Variants in DSCAML1 observed in about 807,000 individuals in gnomAD.
DSCAML1 encodes DS cell adhesion molecule like 1.
Under a neutral mutation model 200.5 loss-of-function variants are expected in DSCAML1, and 38 were observed. The observed-to-expected ratio is 0.19, with a 90% CI of 0.15 to 0.25. The LOEUF (loss-of-function observed/expected upper bound fraction) is 0.25, where lower values mean the gene tolerates loss of function less well. DSCAML1 is among the 10% of genes least tolerant of loss of function. The pLI is 1.00. For synonymous variants in DSCAML1, 1,215 were observed against 1,165.0 expected, an observed-to-expected ratio of 1.04 and a Z score of -0.87; for missense variants, 2,223 against 2,858.8, an observed-to-expected ratio of 0.78 and a Z score of 5.07.
intron 3 of DSCAML1, among the ~76,000 whole-genome samples, chr11:117,679,069 G>C (rs1591392087): frequency 1.3e-5 from 2 of 152,348 alleles, no homozygotes; most frequent in Non-Finnish European, 2.9e-5. Flanking sequence ...TGAATGGAAG[G>C]CCACTTCAGG....
chr11:117,578,845 C>T (rs1338619548), intron 3 of DSCAML1, among the ~76,000 whole-genome samples: 1 of 152,158 alleles, frequency 6.6e-6, no homozygotes, highest in Non-Finnish European at 1.5e-5. Flanking sequence ...TCTTTACCTC[C>T]ACCTGAATGT....
intron 1 of DSCAML1, among the ~76,000 whole-genome samples, chr11:117,786,943 G>A (rs374445138): frequency 4.8e-4 from 73 of 152,280 alleles, no homozygotes; most frequent in African/African-American, 1.7e-3. Flanking sequence ...CAGGGGGCAG[G>A]GGACAGGAGG....
Position 117,458,818 on chromosome 11 carries a change from C to T in DSCAML1, c.3504G>A (p.Leu1168=). ...CGCCGTCCCCAGCCTGGGTGTAGGC[C>T]AGCACCTGGACGCTGTAGTTGGTGA... ...EKFTNYSVQV[L]AYTQAGDGVR... The change falls in exon 19 of 33, where the codon CTG becomes CTA. Residue 1168 remains leucine (L), a synonymous_variant. Coordinates refer to ENST00000651296, the MANE Select transcript of DSCAML1 (RefSeq NM_020693.4). The T allele has an allele frequency of 6.2e-7, 1 of 1,614,058 alleles. No homozygotes were observed. The highest frequency in any genetic ancestry group is 8.5e-7 in the Non-Finnish European group (1 of 1,180,006).
Position 117,480,476 on chromosome 11 carries a change from T to C in DSCAML1, c.2752A>G (p.Thr918Ala), listed in dbSNP as rs2048890636. 2 of 1,613,498 alleles carry C rather than the reference T, an allele frequency of 1.2e-6. No homozygotes were observed. Among genetic ancestry groups the C allele is most frequent in the Non-Finnish European group, 1.7e-6 (2 of 1,179,820 alleles). The change falls in exon 14 of 33, where the codon ACG (threonine) becomes GCG (alanine). Residue 918 changes from threonine to alanine, a missense_variant. By Grantham distance (58) the Thr-to-Ala change is moderately conservative (BLOSUM62 0). Transcript: ENST00000651296. This position sits in a 1 kb window ranked among gnomAD's most constrained non-coding sequence, Gnocchi z 4.1. The stretch of plus-strand genomic sequence containing the variant: ...TTCTTGTATTCAATGTCGAAGCCCG[T>C]GATGATGCTGTTCCCGTCGAATCGC... ...TQRFDGNSII[T>A]GFDIEYKNKS...
At chr11:117,693,372 C>T (rs1190153216) in intron 3 of DSCAML1, among the ~76,000 whole-genome samples, 3 of 152,168 alleles carry the variant, frequency 2.0e-5, no homozygotes, top group Admixed American at 6.5e-5. Flanking sequence ...TTCTGGAGTC[C>T]CACGTATCAG....
At chr11:117,545,319 G>A (rs1052360102) in intron 3 of DSCAML1, among the ~76,000 whole-genome samples, 2 of 152,010 alleles carry the variant, frequency 1.3e-5, no homozygotes, top group Non-Finnish European at 2.9e-5. Context: ...GCGAGAAGGT[G>A]GCCATCTGCA....
chr11:117,731,824 T>C (rs2054225471), intron 3 of DSCAML1, among the ~76,000 whole-genome samples: 1 of 152,258 alleles, frequency 6.6e-6, no homozygotes, highest in Non-Finnish European at 1.5e-5. Context: ...TAAATGTGGA[T>C]GAAATGGCAC....
intron 3 of DSCAML1, among the ~76,000 whole-genome samples, chr11:117,599,449 A>G (rs935988910): frequency 6.6e-6 from 1 of 152,180 alleles, no homozygotes; most frequent in African/African-American, 2.4e-5. Context: ...AATGTTGGAC[A>G]CTTTTCTTTT....
intron 3 of DSCAML1, among the ~76,000 whole-genome samples, chr11:117,618,353 T>C (rs1407768578): frequency 5.9e-5 from 9 of 152,236 alleles, no homozygotes; most frequent in Non-Finnish European, 1.3e-4. Context: ...TTCCATATAA[T>C]AGAGCTTAAA....
upstream of DSCAML1, among the ~76,000 whole-genome samples, chr11:117,800,439 C>T (rs546989585): frequency 4.6e-4 from 70 of 152,356 alleles, no homozygotes; most frequent in African/African-American, 1.1e-3. Context: ...TGAGAACAAA[C>T]ACAGTTGCCC....
chr11:117,742,103 T>C (rs2054432856), intron 3 of DSCAML1, among the ~76,000 whole-genome samples: 1 of 152,134 alleles, frequency 6.6e-6, no homozygotes, highest in South Asian at 2.1e-4. Context: ...AGATGGCACA[T>C]CATCTCATAG....
intron 1 of DSCAML1, among the ~76,000 whole-genome samples, chr11:117,792,454 C>T (rs1056045528): frequency 4.6e-5 from 7 of 152,130 alleles, no homozygotes; most frequent in African/African-American, 1.7e-4. Flanking sequence ...ACGCCCTTCC[C>T]TCAGTGACTG....
rs576101135 is a variant in DSCAML1 at position 117,780,165 on chromosome 11, A to G, written c.364+328T>C. 2.9e-5 allele frequency among the ~76,000 whole-genome samples: 4 copies of G among 138,058 alleles called. No individual in the cohort carries two copies. The East Asian group carries it at 8.3e-4, about 29-fold the overall frequency. The allele number at this position is 138,058 out of a possible 152,430, so 90.6% of individuals were successfully genotyped here. ...AAAGAGAGAGAGAGAGAGAGAAAGA[A>G]AGAAAGAAAAAAAGAAAAAAAGAAA... On this transcript the variant is annotated intron_variant, in intron 2 of 32. Coordinates refer to ENST00000651296, the MANE Select transcript of DSCAML1 (RefSeq NM_020693.4). The surrounding 1 kb of genome is among the most constrained non-coding windows in gnomAD (Gnocchi z 4.8).
intron 14 of DSCAML1, among the ~76,000 whole-genome samples, chr11:117,472,545 A>G (rs187616652): frequency 1.3e-5 from 2 of 152,240 alleles, no homozygotes; most frequent in Admixed American, 1.3e-4. Context: ...TGAGTGTTAT[A>G]TGTCAGGGTT....
chr11:117,428,194 A>G lies in DSCAML1; in HGVS notation c.*134T>C, dbSNP rs1375184132. The G allele has an allele frequency of 7.8e-6, 5 of 637,478 alleles. No homozygotes were observed. Among genetic ancestry groups the G allele is most frequent in the Non-Finnish European group, 1.4e-5 (5 of 354,900 alleles). 39.5% of individuals were successfully genotyped at this position (637,478 alleles called of 1,614,324 possible). ...AGAGTTCTATGTACAGGCGTTCATG[A>G]TTGGGGGTTTTTGTTTTGTCGTTGG... On this transcript the variant is annotated 3_prime_UTR_variant, in exon 33 of 33. Transcript: ENST00000651296.
chr11:117,623,795 C>G (rs908867543), intron 3 of DSCAML1, among the ~76,000 whole-genome samples: 1 of 152,156 alleles, frequency 6.6e-6, no homozygotes, highest in South Asian at 2.1e-4. Context: ...CCTCATCTCC[C>G]AATAGACGAG....
intron 1 of DSCAML1, among the ~76,000 whole-genome samples, chr11:117,805,100 T>G (rs2055698550): frequency 6.6e-6 from 1 of 152,232 alleles, no homozygotes; most frequent in Non-Finnish European, 1.5e-5. Flanking sequence ...TGGACCACTA[T>G]CCCACGAACT....
chr11:117,607,871 G>A (rs1039858114), intron 3 of DSCAML1, among the ~76,000 whole-genome samples: 2 of 152,188 alleles, frequency 1.3e-5, no homozygotes, highest in African/African-American at 4.8e-5. Context: ...TGTCAATAGG[G>A]AAAAAGAGTC....
intron 3 of DSCAML1, among the ~76,000 whole-genome samples, chr11:117,549,347 C>T (rs187677630): frequency 5.9e-5 from 9 of 152,356 alleles, no homozygotes; most frequent in Non-Finnish European, 1.5e-5. Context: ...TCAGTTACAA[C>T]ACCTTCGAGA....
Sources: gnomAD v4.1 joint callset for allele counts (sites outside exome capture counted in the v4.1 genomes callset) on GRCh38, gnomAD v4.1.1 for gene constraint, Gnocchi (gnomAD v3.1) non-coding constraint, MANE v1.5 for transcripts, NCBI Gene and HGNC (gene_info 2026-07-23, HGNC 2026-07-21) for gene names.